TWIST1: variants seen among roughly 807,000 people sequenced by gnomAD.
TWIST1 encodes the protein twist-related protein 1.
A neutral mutation model predicts 12.9 loss-of-function variants in TWIST1; 8 were observed. The ratio of observed to expected loss-of-function variants is 0.62; its 90% CI spans 0.37 to 1.12. The LOEUF is 1.12. Among genes scored for constraint, TWIST1 ranks in the 50% most tolerant of loss-of-function variants. The pLI is 0.02. For synonymous variants in TWIST1, 169 were observed against 138.7 expected, an observed-to-expected ratio of 1.22 and a Z score of -1.54; for missense variants, 268 against 299.7, an observed-to-expected ratio of 0.89 and a Z score of 0.78.
chr7:19,117,414 G>A lies in TWIST1; in HGVS notation c.-93C>T. ...CCAGCTTCCCCCGCGCGCGGCGCCG[G>A]CCCGGGCGATGCGGCCCGCGGAGGA... is the stretch of plus-strand genomic sequence containing the variant. On this transcript the variant is annotated 5_prime_UTR_variant, in exon 1 of 2. Transcript: ENST00000242261. 3.3e-6 allele frequency: 4 copies of A among 1,224,016 alleles called. No homozygotes were observed. Among genetic ancestry groups the A allele is most frequent in the Admixed American group, 9.0e-5 (2 of 22,294 alleles). The allele number at this position is 1,224,016 out of a possible 1,614,324, so 75.8% of individuals were successfully genotyped here. A position where few individuals can be genotyped will look rare whatever the true frequency, so the allele number is the denominator to read the frequency against.
chr7:19,113,765 G>C (rs1436373656), downstream of TWIST1: 1 of 151,924 alleles, frequency 6.6e-6, no homozygotes, highest in Non-Finnish European at 1.5e-5. Flanking sequence ...TATGAAAAAA[G>C]TAGAAAAAGC....
chr7:19,117,056 C>G lies in TWIST1; in HGVS notation c.266G>C (p.Gly89Ala). Residue 89 changes from glycine to alanine, a missense_variant, in exon 1 of 2, where the codon GGC (glycine) becomes GCC (alanine). Physicochemically the swap from Gly to Ala is moderately conservative, Grantham distance 60. Transcript: ENST00000242261. ...GCCGCCGCTGCTGCTGCCGCCGCCG[C>G]CGCCCGCGCCGCCGCCGCCGCCACA... ...AGCGGGGGAG[G>A]GGGSSSGGGS... 7.1e-7 allele frequency: 1 copy of G among 1,407,884 alleles called. No individual in the cohort carries two copies. Among genetic ancestry groups the G allele is most frequent in the African/African-American group, 1.5e-5 (1 of 65,890 alleles). The allele number at this position is 1,407,884 out of a possible 1,614,324, so 87.2% of individuals were successfully genotyped here.
Position 19,116,693 on chromosome 7 carries a change from G to C in TWIST1, c.*20C>G, listed in dbSNP as rs1256214065. On this transcript the variant is annotated 3_prime_UTR_variant, in exon 1 of 2. Coordinates refer to ENST00000242261, the MANE Select transcript of TWIST1 (RefSeq NM_000474.4). ...TACCTAGGTCTCCGGCCCTGCTGAGGGGGTGGGGGGCTCCGCCTGCTAGTG... is the reference window on the plus strand; with the variant it reads ...TACCTAGGTCTCCGGCCCTGCTGAGCGGGTGGGGGGCTCCGCCTGCTAGTG... The C allele has an allele frequency of 6.3e-6, 10 of 1,587,450 alleles. No homozygotes were observed. The highest frequency in any genetic ancestry group is 8.6e-6 in the Non-Finnish European group (10 of 1,168,080).
downstream of TWIST1, among the ~76,000 whole-genome samples, chr7:19,115,198 G>T (rs192688918): frequency 6.6e-6 from 1 of 152,162 alleles, no homozygotes; most frequent in Non-Finnish European, 1.5e-5. Flanking sequence ...TAAAAAGGAG[G>T]TGAATAGCAA....
chr7:19,117,453 C>T lies in TWIST1; in HGVS notation c.-132G>A, dbSNP rs1007243822. The stretch of plus-strand genomic sequence containing the variant: ...GCCCGCGGAGGAGAGAGCAGGAGGA[C>T]GGACGGGAGGGACCTCCGCGGGGAG... On this transcript the variant is annotated 5_prime_UTR_variant, in exon 1 of 2. Transcript: ENST00000242261. 3 of 1,174,776 alleles carry T rather than the reference C, an allele frequency of 2.6e-6. No individual in the cohort carries two copies. The highest frequency in any genetic ancestry group is 3.2e-6 in the Non-Finnish European group (3 of 947,280). The allele number at this position is 1,174,776 out of a possible 1,614,324, so 72.8% of individuals were successfully genotyped here.
intron 1 of TWIST1, 54 bp downstream of exon 1, chr7:19,116,617 C>T (rs1318173969): frequency 7.8e-6 from 11 of 1,405,540 alleles, no homozygotes; most frequent in East Asian, 2.5e-5. Flanking sequence ...GCGGCCTGGC[C>T]GGCCTGCCGT....
Position 19,117,143 on chromosome 7 carries a change from A to T in TWIST1, c.179T>A (p.Val60Asp). 9.2e-7 allele frequency: 1 copy of T among 1,088,572 alleles called. No individual in the cohort carries two copies. Among genetic ancestry groups the T allele is most frequent in the Non-Finnish European group, 1.1e-6 (1 of 898,810 alleles). 67.4% of individuals were successfully genotyped at this position (1,088,572 alleles called of 1,614,324 possible). A position where few individuals can be genotyped will look rare whatever the true frequency, so the allele number is the denominator to read the frequency against. The change falls in exon 1 of 2, where the codon GTC becomes GAC. Residue 60 changes from valine (V) to aspartate (D), a missense_variant. Around this residue, in one of 2 missense-constraint regions of TWIST1, gnomAD observed 189 missense variants for 172.1 expected, o/e 1.10. Transcript: ENST00000242261. The part of the protein sequence containing the change: ...AGPGGAAGGG[V>D]GGGDEPGSPA... ...GCTGCCCGGCTCGTCGCCGCCTCCG[A>T]CGCCCCCACCCGCGGCTCCGCCGGG...
In TWIST1 at chr7:19,117,533, G is replaced by GC; in HGVS notation, c.-213dup. On this transcript the variant is annotated 5_prime_UTR_variant, in exon 1 of 2. Coordinates refer to ENST00000242261, the MANE Select transcript of TWIST1 (RefSeq NM_000474.4). ...GGAGGGGGAGGGGACGGTGTGGATG[G>GC]CCCCGAGGTCCAAAAAGAAAGCGCC... The GC allele has an allele frequency of 8.6e-7, 1 of 1,166,406 alleles. No homozygotes were observed. The highest frequency in any genetic ancestry group is 1.1e-6 in the Non-Finnish European group (1 of 936,832). 72.3% of individuals were successfully genotyped at this position (1,166,406 alleles called of 1,614,324 possible).
chr7:19,116,535 A>C, intron 1 of TWIST1, 136 bp downstream of exon 1: 1 of 758,768 alleles, frequency 1.3e-6, no homozygotes, highest in Non-Finnish European at 2.1e-6. Flanking sequence ...GCGCGAGGCA[A>C]CGGTGCCAAG....
At chr7:19,113,178 A>G (rs1348779258), downstream of TWIST1, 1 of 152,214 alleles carries the variant, frequency 6.6e-6, no homozygotes, top group Non-Finnish European at 1.5e-5. Context: ...TGGGTAAAAA[A>G]ATTACTGCTT....
In TWIST1 at chr7:19,117,634, G is replaced by C; in HGVS notation, c.-313C>G. On this transcript the variant is annotated 5_prime_UTR_variant, in exon 1 of 2. Coordinates refer to ENST00000242261, the MANE Select transcript of TWIST1 (RefSeq NM_000474.4). ...TGCAGAGCCCGCGAGGTGTCTGGGA[G>C]TTGGGCGAGAGCTGCAGACTTGGAG... The C allele has an allele frequency of 9.5e-7, 1 of 1,049,378 alleles. No individual in the cohort carries two copies. The allele number at this position is 1,049,378 out of a possible 1,614,324, so 65.0% of individuals were successfully genotyped here.
downstream of TWIST1, chr7:19,113,301 C>G (rs563124666): frequency 2.6e-5 from 4 of 152,308 alleles, no homozygotes; most frequent in East Asian, 7.7e-4. Flanking sequence ...TAATACAATA[C>G]TTTCCCCTAG....
At chr7:19,114,528 T>C (rs1788528507), downstream of TWIST1, among the ~76,000 whole-genome samples, 1 of 152,140 alleles carries the variant, frequency 6.6e-6, no homozygotes, top group South Asian at 2.1e-4. Flanking sequence ...ATGTTAATTA[T>C]AAAAGCCAGT....
rs1358661435 is a variant in TWIST1, at chr7:19,117,495, GGGGAGGGAGGC to G, written c.-185_-175del. 1 of 1,191,552 alleles carries G rather than the reference GGGGAGGGAGGC, an allele frequency of 8.4e-7. No individual in the cohort carries two copies. The highest frequency in any genetic ancestry group is 1.0e-6 in the Non-Finnish European group (1 of 954,446). 73.8% of individuals were successfully genotyped at this position (1,191,552 alleles called of 1,614,324 possible). A position where few individuals can be genotyped will look rare whatever the true frequency, so the allele number is the denominator to read the frequency against. The stretch of plus-strand genomic sequence containing the variant: ...CGCGGGGAGGGCGCGCGGGGGAGGC[GGGGAGGGAGGC>G]GGGAGGGGGAGGGGACGGTGTGGAT... On this transcript the variant is annotated 5_prime_UTR_variant, in exon 1 of 2. Coordinates refer to ENST00000242261, the MANE Select transcript of TWIST1 (RefSeq NM_000474.4).
chr7:19,117,419 G>A lies in TWIST1; in HGVS notation c.-98C>T. The A allele has an allele frequency of 2.5e-6, 3 of 1,218,500 alleles. No individual in the cohort carries two copies. The highest frequency in any genetic ancestry group is 3.1e-6 in the Non-Finnish European group (3 of 974,922). 75.5% of individuals were successfully genotyped at this position (1,218,500 alleles called of 1,614,324 possible). A position where few individuals can be genotyped will look rare whatever the true frequency, so the allele number is the denominator to read the frequency against. ...TTCCCCCGCGCGCGGCGCCGGCCCG[G>A]GCGATGCGGCCCGCGGAGGAGAGAG... On this transcript the variant is annotated 5_prime_UTR_variant, in exon 1 of 2. Transcript: ENST00000242261.
chr7:19,117,169 CCCCGCGCCGCCG>C lies in TWIST1; in HGVS notation c.141_152del (p.Gly48_Gly51del), dbSNP rs1318992028. The C allele has an allele frequency of 5.5e-6, 6 of 1,093,856 alleles. No individual in the cohort carries two copies. The African/African-American group carries it at 6.8e-5, about 12-fold the overall frequency. 67.8% of individuals were successfully genotyped at this position (1,093,856 alleles called of 1,614,324 possible). On this transcript the variant is annotated inframe_deletion, in exon 1 of 2. Transcript: ENST00000242261. ...CGCCCCCACCCGCGGCTCCGCCGGG[CCCCGCGCCGCCG>C]CCCGCGCTGCGCCTGCTGCTGCGCC...
intron 1 of TWIST1, 100 bp downstream of exon 1, chr7:19,116,571 T>G (rs1585616327): frequency 1.1e-6 from 1 of 951,908 alleles, no homozygotes; most frequent in Non-Finnish European, 1.6e-6. Flanking sequence ...GAGCGGAGAG[T>G]GGGAGAGGGG....
chr7:19,116,723 GCGGACATGGA>G lies in TWIST1; in HGVS notation c.589_598del (p.Ser197ArgfsTer31). 6.2e-7 allele frequency: 1 copy of G among 1,608,198 alleles called. No individual in the cohort carries two copies. Among genetic ancestry groups the G allele is most frequent in the Non-Finnish European group, 8.5e-7 (1 of 1,177,604 alleles). The stretch of plus-strand genomic sequence containing the variant: ...GGGGGGCTCCGCCTGCTAGTGGGAC[GCGGACATGGA>G]CCAGGCCCCCTCCATCCTCCAGACC... On this transcript the variant is annotated frameshift_variant, in exon 1 of 2. Transcript: ENST00000242261. LOFTEE classifies it high-confidence loss of function.
intron 1 of TWIST1, 120 bp downstream of exon 1, chr7:19,116,551 T>C: frequency 1.2e-6 from 1 of 852,452 alleles, no homozygotes. Context: ...CCAAGTGAGG[T>C]GGGAAGGCTG....
Sources: gnomAD v4.1 joint callset for allele counts (sites outside exome capture counted in the v4.1 genomes callset) on GRCh38, gnomAD v4.1.1 for gene constraint, gnomAD v4.1.1 regional missense constraint, MANE v1.5 for transcripts, NCBI Gene and HGNC (gene_info 2026-07-23, HGNC 2026-07-21) for gene names.